Variants in POLR3A observed in about 807,000 individuals in gnomAD.
The protein encoded by POLR3A is DNA-directed RNA polymerase III subunit RPC1.
In POLR3A, 112 loss-of-function variants were observed where a neutral mutation model predicts 152.8. That is an observed-to-expected ratio of 0.73 (90% CI 0.63 to 0.86). The LOEUF (loss-of-function observed/expected upper bound fraction) is 0.86. POLR3A is among the 40% of genes least tolerant of loss of function. POLR3A has a pLI of 0.00. For synonymous variants in POLR3A, 615 were observed against 652.1 expected, an observed-to-expected ratio of 0.94 and a Z score of 0.87; for missense variants, 1,385 against 1,743.1, an observed-to-expected ratio of 0.79 and a Z score of 3.66.
intron 28 of POLR3A, 35 bp downstream of exon 28, chr10:77,982,119 C>A (rs755914632): frequency 6.9e-6 from 11 of 1,591,672 alleles, no homozygotes; most frequent in African/African-American, 1.4e-5. Context: ...GGAAGACAGC[C>A]TAACCCTAAG....
chr10:78,024,518 G>C (rs1464804366), intron 5 of POLR3A, 31 bp downstream of exon 5: 1 of 1,606,984 alleles, frequency 6.2e-7, no homozygotes, highest in Non-Finnish European at 8.5e-7. Context: ...CGGGAGGCAG[G>C]CGGAAGGCAG....
intron 21 of POLR3A, among the ~76,000 whole-genome samples, chr10:77,988,628 C>G (rs374950119): frequency 6.6e-6 from 1 of 152,102 alleles, no homozygotes; most frequent in East Asian, 1.9e-4. Flanking sequence ...ATACAGTTAC[C>G]TTTTGCAAAC....
chr10:77,981,506 G>A lies in POLR3A; in HGVS notation c.3813C>T (p.Ile1271=), dbSNP rs1847141557. The A allele has an allele frequency of 1.2e-6, 2 of 1,614,012 alleles. No individual in the cohort carries two copies. Among genetic ancestry groups the A allele is most frequent in the Admixed American group, 1.7e-5 (1 of 60,024 alleles). ...EAARTTIINE[I]QYTMVNHGMS... is the part of the protein sequence containing the mutation. Reference sequence around the variant, plus strand: ...TGCCGTGGTTCACCATGGTGTACTGGATTTCATTGATGATCGTTGTCCGGG... The same window carrying A: ...TGCCGTGGTTCACCATGGTGTACTGAATTTCATTGATGATCGTTGTCCGGG... The change falls in exon 29 of 31, where the codon ATC becomes ATT. Residue 1271 remains isoleucine, a synonymous_variant. Coordinates refer to ENST00000372371, the MANE Select transcript of POLR3A (RefSeq NM_007055.4).
At chr10:77,993,412 G>A in intron 19 of POLR3A, 45 bp from the exon 20 acceptor site, 1 of 1,430,712 alleles carries the variant, frequency 7.0e-7, no homozygotes, top group Non-Finnish European at 9.9e-7. Context: ...GAGAAGACTA[G>A]TCACATGGGG....
chr10:78,018,361 T>C (rs1000349025), intron 9 of POLR3A, among the ~76,000 whole-genome samples: 3 of 151,454 alleles, frequency 2.0e-5, no homozygotes, highest in African/African-American at 4.9e-5. Flanking sequence ...TAGTCAGGTG[T>C]GGTGGCGGGT....
chr10:78,017,806 A>G, intron 9 of POLR3A, 90 bp from the exon 10 acceptor site: 1 of 1,370,640 alleles, frequency 7.3e-7, no homozygotes, highest in Non-Finnish European at 1.0e-6. Flanking sequence ...TCTTTAATAT[A>G]TTATTTCATC....
At chr10:77,986,443 T>A (rs1247234079) in intron 21 of POLR3A, among the ~76,000 whole-genome samples, 3 of 152,140 alleles carry the variant, frequency 2.0e-5, no homozygotes, top group Admixed American at 6.5e-5. Flanking sequence ...GCCCACAAAG[T>A]GCGTGGGAGC....
chr10:78,008,928 A>C (rs986921720), intron 14 of POLR3A, among the ~76,000 whole-genome samples: 17 of 151,990 alleles, frequency 1.1e-4, no homozygotes, highest in Non-Finnish European at 2.4e-4. Flanking sequence ...AGGGCAAGGC[A>C]GATCACTTGA....
intron 10 of POLR3A, among the ~76,000 whole-genome samples, chr10:78,014,226 A>G (rs1273883846): frequency 6.6e-6 from 1 of 152,186 alleles, no homozygotes; most frequent in Non-Finnish European, 1.5e-5. Context: ...GTGAATTTCA[A>G]CAAAGGCGCC....
intron 11 of POLR3A, among the ~76,000 whole-genome samples, chr10:78,010,828 A>G (rs759594799): frequency 1.3e-4 from 20 of 152,098 alleles, no homozygotes; most frequent in Non-Finnish European, 1.8e-4. Context: ...GAAAAACTCT[A>G]CCCATGTAAG....
At position 78,002,299 on chromosome 10, in the gene POLR3A, G is replaced by C. The variant is rs1192017182; in HGVS notation, c.2257C>G (p.Leu753Val). ...TCACGGATCACAGACAGCTCCTTCA[G>C]GATCAGTGCCTAGTGGGAGAAAAGG... Reference protein sequence around the residue: ...TAEETLEALILKELSVIRDHA... With the variant: ...TAEETLEALIVKELSVIRDHA... The change falls in exon 17 of 31, where the codon CTG (leucine) becomes GTG (valine). Residue 753 changes from leucine to valine, a missense_variant. Physicochemically the swap from Leu to Val is conservative, Grantham distance 32. Transcript: ENST00000372371. The C allele has an allele frequency of 6.3e-7, 1 of 1,595,582 alleles. No individual in the cohort carries two copies. Among genetic ancestry groups the C allele is most frequent in the Non-Finnish European group, 8.5e-7 (1 of 1,170,370 alleles).
intron 19 of POLR3A, among the ~76,000 whole-genome samples, chr10:77,993,799 C>T (rs945005677): frequency 1.3e-5 from 2 of 152,130 alleles, no homozygotes; most frequent in Non-Finnish European, 2.9e-5. Context: ...AGGCCCTCTT[C>T]TGGGACAGAG....
intron 16 of POLR3A, among the ~76,000 whole-genome samples, chr10:78,004,215 A>G (rs1437317826): frequency 1.3e-5 from 2 of 152,040 alleles, no homozygotes; most frequent in Non-Finnish European, 2.9e-5. Context: ...GCCTGGCTGG[A>G]GTGCTTCATA....
Position 78,026,100 on chromosome 10 carries a change from A to G in POLR3A, c.174T>C (p.His58=). ...HAPLLYGVLD[H]RMGTSEKDRP... ...AGGGGTGAGGGGGCCTTACCATCCT[A>G]TGGTCGAGCACCCCATATAGCAAGG... The change falls in exon 2 of 31, where the codon CAT becomes CAC. Residue 58 remains histidine (H), a synonymous_variant. Coordinates refer to ENST00000372371, the MANE Select transcript of POLR3A (RefSeq NM_007055.4). 3 of 1,614,162 alleles carry G rather than the reference A, an allele frequency of 1.9e-6. No homozygotes were observed. The highest frequency in any genetic ancestry group is 2.5e-6 in the Non-Finnish European group (3 of 1,180,012).
At chr10:78,003,882 T>C (rs1847383865) in intron 16 of POLR3A, among the ~76,000 whole-genome samples, 1 of 151,742 alleles carries the variant, frequency 6.6e-6, no homozygotes, top group Non-Finnish European at 1.5e-5. Flanking sequence ...TGAGATGAGA[T>C]TGCACCACTG....
rs756947118 is a variant in POLR3A, at chr10:78,004,695, G to A, written c.2247+21C>T. 14 of 1,606,098 alleles carry A rather than the reference G, an allele frequency of 8.7e-6. No homozygotes were observed. The South Asian group carries it at 1.5e-4, about 18-fold the overall frequency. ...ACTGTGCACGGCAAGTGGCGACCCT[G>A]AACCAAAGGGCCGGGCTCACCTCCA... is the stretch of plus-strand genomic sequence containing the variant. On this transcript the variant is annotated intron_variant, in intron 16 of 30. Transcript: ENST00000372371.
Position 77,976,099 on chromosome 10 carries a change from T to C in POLR3A, c.*1379A>G, listed in dbSNP as rs1366085830. 1 of 152,040 alleles carries C rather than the reference T, an allele frequency of 6.6e-6. No individual in the cohort carries two copies. Among genetic ancestry groups the C allele is most frequent in the Non-Finnish European group, 1.5e-5 (1 of 68,006 alleles). The allele number at this position is 152,040 out of a possible 1,614,324, so 9.4% of individuals were successfully genotyped here. A position where few individuals can be genotyped will look rare whatever the true frequency, so the allele number is the denominator to read the frequency against. On this transcript the variant is annotated 3_prime_UTR_variant, in exon 31 of 31. Coordinates refer to ENST00000372371, the MANE Select transcript of POLR3A (RefSeq NM_007055.4). The stretch of plus-strand genomic sequence containing the variant: ...ATCAAAAGGTCAAACTATAATTTTT[T>C]ATAAAAACTAATTTTTTTTTACGCT...
Position 78,026,245 on chromosome 10 carries a change from A to C in POLR3A, c.45-16T>G. The C allele has an allele frequency of 6.2e-7, 1 of 1,614,162 alleles. No homozygotes were observed. The highest frequency in any genetic ancestry group is 1.3e-5 in the African/African-American group (1 of 75,074). On this transcript the variant is annotated splice_polypyrimidine_tract_variant and intron_variant, in intron 1 of 30. Coordinates refer to ENST00000372371, the MANE Select transcript of POLR3A (RefSeq NM_007055.4). ...GATGTGGCTTCTGGAATGGGAAGAA[A>C]AAGGTGAAAATTACAGCAAAATCTG...
chr10:77,987,226 C>T (rs1330430635), intron 21 of POLR3A, among the ~76,000 whole-genome samples: 1 of 152,190 alleles, frequency 6.6e-6, no homozygotes, highest in African/African-American at 2.4e-5. Context: ...GGCCATTATC[C>T]TGCCATCCCG....
Sources: gnomAD v4.1 joint callset for allele counts (sites outside exome capture counted in the v4.1 genomes callset) on GRCh38, gnomAD v4.1.1 for gene constraint, MANE v1.5 for transcripts, NCBI Gene and HGNC (gene_info 2026-07-23, HGNC 2026-07-21) for gene names.